USP9X: variants seen among roughly 807,000 people sequenced by gnomAD.
USP9X encodes ubiquitin carboxyl-terminal hydrolase 9X.
In USP9X, 7 loss-of-function variants were observed where a neutral mutation model predicts 190.3. The ratio of observed to expected loss-of-function variants is 0.04; its 90% CI spans 0.02 to 0.07. The LOEUF (loss-of-function observed/expected upper bound fraction) is 0.07, where lower values mean the gene tolerates loss of function less well. Among genes scored for constraint, USP9X ranks in the 10% least tolerant of loss-of-function variants. USP9X has a pLI of 1.00. For synonymous variants in USP9X, 645 were observed against 659.5 expected (o/e 0.98, Z 0.34); for missense variants, 1,010 against 1,916.9 (o/e 0.53, Z 8.83).
chrX:41,107,506 C>G (rs1005176437), intron 1 of USP9X, among the ~76,000 whole-genome samples: 10 of 112,274 alleles, frequency 8.9e-5, no homozygotes, highest in Non-Finnish European at 1.7e-4. Context: ...GTTTCTCAGT[C>G]TGGATCTTGA....
At chrX:41,205,101 C>T (rs2063079030) in intron 31 of USP9X, 1 of 346,608 alleles carries the variant, frequency 2.9e-6, no homozygotes, top group Non-Finnish European at 4.9e-6. Context: ...CTTTCTTACA[C>T]ATGGTCAGGG....
rs1282145085 is a variant in USP9X, at chrX:41,103,126, AC to A, written c.-159+17018del. ...GAGTTTATCTTAACCTGTTGTTTCA[AC>A]AGAGTAGATTGATAGTTAGGCATAC... On this transcript the variant is annotated intron_variant, in intron 1 of 44. Transcript: ENST00000378308. Among the ~76,000 whole-genome samples, 6 of 112,397 alleles carry A rather than the reference AC, an allele frequency of 5.3e-5. No individual in the cohort carries two copies. The East Asian group carries it at 1.7e-3, about 31-fold the overall frequency.
At chrX:41,147,644 G>A (rs779961696) in intron 11 of USP9X, among the ~76,000 whole-genome samples, 3 of 110,254 alleles carry the variant, frequency 2.7e-5, no homozygotes, top group South Asian at 3.9e-4. Context: ...GTAGAGATGG[G>A]GTTTCACCAT....
intron 34 of USP9X, 77 bp downstream of exon 34, chrX:41,214,786 T>G: frequency 1.0e-6 from 1 of 995,895 alleles, no homozygotes; most frequent in Non-Finnish European, 1.4e-6. Context: ...TGGTTCATCC[T>G]CACAAGTCAC....
At position 41,235,593 on chromosome X, in the gene USP9X, CTAAG is replaced by C. The variant is rs1569207929; in HGVS notation, c.*3072_*3075del. Reference sequence around the variant, plus strand: ...AACAAGGGCTTTTGCCCTATTGTATCTAAGTATTTCAGTGCACAACTTGTTAAAC... The same window carrying C: ...AACAAGGGCTTTTGCCCTATTGTATCTATTTCAGTGCACAACTTGTTAAAC... On this transcript the variant is annotated 3_prime_UTR_variant, in exon 45 of 45. Transcript: ENST00000378308. The C allele has an allele frequency of 8.9e-6, 1 of 112,712 alleles. No individual in the cohort carries two copies. The allele number at this position is 112,712 out of a possible 1,213,427, so 9.3% of individuals were successfully genotyped here.
Position 41,099,705 on chromosome X carries a change from ATAAACT to A in USP9X, c.-159+13600_-159+13605del, listed in dbSNP as rs372432190. On this transcript the variant is annotated intron_variant, in intron 1 of 44. Transcript: ENST00000378308. ...ATTTTCTGAAATGAGGCTTTTAAAA[ATAAACT>A]TAATTGGCTGGTCATGGTGGCTCAC... 3.4e-3 allele frequency among the ~76,000 whole-genome samples: 381 copies of A among 112,190 alleles called. 1 individual carries two copies. Among genetic ancestry groups the A allele is most frequent in the African/African-American group, 0.012 (361 of 30,854 alleles).
chrX:41,153,882 A>G (rs1276476505), intron 14 of USP9X, among the ~76,000 whole-genome samples: 1 of 112,311 alleles, frequency 8.9e-6, no homozygotes, highest in Non-Finnish European at 1.9e-5. Flanking sequence ...TCAACTTACC[A>G]TTCATTTAAC....
intron 2 of USP9X, among the ~76,000 whole-genome samples, chrX:41,125,684 A>ACACACACACACACTCTCTCTCTCT: frequency 1.1e-3 from 21 of 19,015 alleles, no homozygotes; most frequent in East Asian, 1.9e-3. Flanking sequence ...ACACACACAC[A>ACACACACACACACTCTCTCTCTCT]CTCTCTCTCT....
intron 12 of USP9X, among the ~76,000 whole-genome samples, chrX:41,150,323 G>A (rs761430135): frequency 3.4e-4 from 38 of 111,547 alleles, no homozygotes; most frequent in Non-Finnish European, 6.4e-4. Context: ...TACCATAATT[G>A]AAATAATTTT....
At chrX:41,211,292 A>T in intron 33 of USP9X, among the ~76,000 whole-genome samples, 1 of 112,309 alleles carries the variant, frequency 8.9e-6, no homozygotes, top group Non-Finnish European at 1.9e-5. Flanking sequence ...CGCCTGGCCT[A>T]CTCTTACATT....
At position 41,205,287 on chromosome X, in the gene USP9X, A is replaced by G; in HGVS notation, c.4825-16A>G. The G allele has an allele frequency of 3.5e-6, 4 of 1,147,189 alleles. No individual in the cohort carries two copies. Among genetic ancestry groups the G allele is most frequent in the Non-Finnish European group, 4.6e-6 (4 of 863,081 alleles). 94.5% of individuals were successfully genotyped at this position (1,147,189 alleles called of 1,213,427 possible). ...TATTATACTTTAGCTCATTGGTGAC[A>G]TTTTTTGGTTTCTAGAGCAATGTTG... On this transcript the variant is annotated splice_polypyrimidine_tract_variant and intron_variant, in intron 31 of 44. Transcript: ENST00000378308.
intron 1 of USP9X, among the ~76,000 whole-genome samples, chrX:41,115,153 A>G (rs1396875259): frequency 9.5e-6 from 1 of 105,590 alleles, no homozygotes; most frequent in African/African-American, 3.5e-5. Context: ...ACCAGGAGGC[A>G]GAGGTTGCAG....
intron 1 of USP9X, among the ~76,000 whole-genome samples, chrX:41,099,448 C>T (rs368973733): frequency 3.6e-5 from 4 of 110,459 alleles, no homozygotes; most frequent in Non-Finnish European, 7.6e-5. Context: ...AGCAGTAGGT[C>T]GTGTTGCTCT....
At chrX:41,213,062 T>C (rs779980495) in intron 33 of USP9X, among the ~76,000 whole-genome samples, 12 of 112,322 alleles carry the variant, frequency 1.1e-4, no homozygotes, top group African/African-American at 3.9e-4. Context: ...ACTGGTTTTC[T>C]TTGGCAAGTG....
At chrX:41,197,852 G>GAA (rs199718467) in intron 29 of USP9X, among the ~76,000 whole-genome samples, 4 of 100,291 alleles carry the variant, frequency 4.0e-5, no homozygotes, top group Non-Finnish European at 8.1e-5. Flanking sequence ...CTCTACAAAA[G>GAA]AAAAAAAAAA....
chrX:41,218,352 GT>G lies in USP9X; in HGVS notation c.6210-13del. ...CAAGTTATTGACTTAATAGTCATAGGTTTTTTTGTTTTATTTTAGGTATGAT... is the reference window on the plus strand; with the variant it reads ...CAAGTTATTGACTTAATAGTCATAGGTTTTTTGTTTTATTTTAGGTATGAT... On this transcript the variant is annotated intron_variant, in intron 36 of 44. Transcript: ENST00000378308. 1.7e-6 allele frequency: 2 copies of G among 1,200,482 alleles called. No individual in the cohort carries two copies. Among genetic ancestry groups the G allele is most frequent in the Non-Finnish European group, 2.3e-6 (2 of 887,111 alleles).
chrX:41,135,851 G>A (rs1305020763), intron 5 of USP9X, among the ~76,000 whole-genome samples: 2 of 110,562 alleles, frequency 1.8e-5, no homozygotes, highest in Admixed American at 9.6e-5. Context: ...GGCTGGTCTC[G>A]AACTCCTGTC....
chrX:41,088,165 A>G (rs2061927270), intron 1 of USP9X, among the ~76,000 whole-genome samples: 1 of 111,712 alleles, frequency 9.0e-6, no homozygotes, highest in Non-Finnish European at 1.9e-5. Context: ...TTGTATTTTT[A>G]GTAGAGACGG....
At chrX:41,134,611 T>G in intron 4 of USP9X, 114 bp from the exon 5 acceptor site, 1 of 532,004 alleles carries the variant, frequency 1.9e-6, no homozygotes, top group Non-Finnish European at 3.0e-6. Context: ...ATTAAATATT[T>G]GTTAGCTGTC....
Sources: gnomAD v4.1 joint callset for allele counts (sites outside exome capture counted in the v4.1 genomes callset) on GRCh38, gnomAD v4.1.1 for gene constraint, MANE v1.5 for transcripts, NCBI Gene and HGNC (gene_info 2026-07-23, HGNC 2026-07-21) for gene names.